Variants in LRRC49 observed in about 807,000 individuals in gnomAD.
The protein encoded by LRRC49 is leucine-rich repeat-containing protein 49.
LRRC49 carries 50 observed loss-of-function variants against 83.3 expected under a neutral mutation model. That is an observed-to-expected ratio of 0.60 (90% CI 0.48 to 0.76). LRRC49 has a LOEUF of 0.76. Among genes scored for constraint, LRRC49 ranks in the 30% least tolerant of loss-of-function variants. LRRC49 has a pLI of 0.00. For synonymous variants in LRRC49, 286 were observed against 283.3 expected, an observed-to-expected ratio of 1.01 and a Z score of -0.10; for missense variants, 704 against 809.1, an observed-to-expected ratio of 0.87 and a Z score of 1.58.
chr15:70,933,068 T>G (rs915359907), intron 7 of LRRC49, among the ~76,000 whole-genome samples: 1 of 152,140 alleles, frequency 6.6e-6, no homozygotes, highest in Non-Finnish European at 1.5e-5. Flanking sequence ...TGGACAACAG[T>G]GCCTGAGCAG....
intron 9 of LRRC49, among the ~76,000 whole-genome samples, chr15:70,977,929 T>C (rs2037265970): frequency 6.6e-6 from 1 of 152,164 alleles, no homozygotes; most frequent in Non-Finnish European, 1.5e-5. Context: ...AAGTTACTAA[T>C]GTCTTGGAGC....
chr15:71,043,734 C>T (rs555970742), intron 15 of LRRC49, among the ~76,000 whole-genome samples: 1 of 152,212 alleles, frequency 6.6e-6, no homozygotes, highest in East Asian at 1.9e-4. Flanking sequence ...CAACATGTCC[C>T]TAGAGAAACA....
intron 11 of LRRC49, among the ~76,000 whole-genome samples, chr15:70,998,948 T>G (rs989356740): frequency 6.6e-6 from 1 of 152,186 alleles, no homozygotes. Flanking sequence ...TTCTTTCTTC[T>G]GCCTGCTAAA....
At chr15:71,019,190 T>G (rs1024826631) in intron 14 of LRRC49, among the ~76,000 whole-genome samples, 1 of 152,066 alleles carries the variant, frequency 6.6e-6, no homozygotes, top group Non-Finnish European at 1.5e-5. Flanking sequence ...AGTTTTCAGC[T>G]CCTCTCCCCT....
At chr15:70,870,969 AT>A (rs1384171159) in intron 1 of LRRC49, among the ~76,000 whole-genome samples, 3 of 51,242 alleles carry the variant, frequency 5.9e-5, no homozygotes, top group Non-Finnish European at 1.3e-4. Flanking sequence ...TTTTTTTAGT[AT>A]TTATTGATCA....
At chr15:70,871,548 C>T (rs1053338940) in intron 1 of LRRC49, among the ~76,000 whole-genome samples, 1 of 151,114 alleles carries the variant, frequency 6.6e-6, no homozygotes, top group African/African-American at 2.4e-5. Flanking sequence ...GCGCCCCCCA[C>T]CTCCCGAACG....
chr15:70,892,372 C>G (rs2033618472), upstream of LRRC49: 1 of 1,546,906 alleles, frequency 6.5e-7, no homozygotes, highest in East Asian at 2.4e-5. Context: ...CCCCTCCTCA[C>G]CTGTCCACTC....
chr15:71,040,954 C>G (rs1018977298), intron 15 of LRRC49, among the ~76,000 whole-genome samples: 7 of 152,116 alleles, frequency 4.6e-5, no homozygotes, highest in Non-Finnish European at 5.9e-5. Context: ...CTGAGAACAG[C>G]CCCAGACCAA....
intron 7 of LRRC49, among the ~76,000 whole-genome samples, chr15:70,925,038 A>C (rs1403833224): frequency 6.6e-6 from 1 of 151,970 alleles, no homozygotes; most frequent in Non-Finnish European, 1.5e-5. Flanking sequence ...GAACTATCTT[A>C]TTTTATTAAT....
Position 70,955,916 on chromosome 15 carries a change from C to T in LRRC49, c.774-7869C>T, listed in dbSNP as rs200963949. ...GTTTGTCAGTTGTGTATATTTCAGTCCTTGTGAGCACGCTTGATGATTTAT... is the reference window on the plus strand; with the variant it reads ...GTTTGTCAGTTGTGTATATTTCAGTTCTTGTGAGCACGCTTGATGATTTAT... On this transcript the variant is annotated intron_variant, in intron 8 of 15. Coordinates refer to ENST00000260382, the MANE Select transcript of LRRC49 (RefSeq NM_017691.5). 2.6e-5 allele frequency among the ~76,000 whole-genome samples: 4 copies of T among 152,096 alleles called. No homozygotes were observed. The East Asian group carries it at 7.7e-4, about 29-fold the overall frequency.
intron 8 of LRRC49, among the ~76,000 whole-genome samples, chr15:70,957,799 C>CT (rs1302209239): frequency 6.6e-6 from 1 of 152,122 alleles, no homozygotes; most frequent in African/African-American, 2.4e-5. Flanking sequence ...AGTGAAAACC[C>CT]TTTTGAAATG....
At chr15:70,993,019 T>G (rs1291691246) in intron 11 of LRRC49, among the ~76,000 whole-genome samples, 1 of 152,202 alleles carries the variant, frequency 6.6e-6, no homozygotes, top group Non-Finnish European at 1.5e-5. Flanking sequence ...TGAGCTGCGG[T>G]GGGTTCCACC....
intron 5 of LRRC49, among the ~76,000 whole-genome samples, chr15:70,909,562 T>C (rs556357776): frequency 6.6e-6 from 1 of 152,250 alleles, no homozygotes; most frequent in East Asian, 1.9e-4. Flanking sequence ...GTACCTGGGC[T>C]GGGCGCGGTG....
At chr15:71,030,356 T>G (rs1389541423) in intron 14 of LRRC49, among the ~76,000 whole-genome samples, 1 of 152,236 alleles carries the variant, frequency 6.6e-6, no homozygotes, top group Non-Finnish European at 1.5e-5. Flanking sequence ...CACTCTCTTC[T>G]GGCTTTCAGG....
chr15:71,035,335 TG>T (rs1369708409), intron 14 of LRRC49, among the ~76,000 whole-genome samples: 2 of 151,978 alleles, frequency 1.3e-5, no homozygotes, highest in African/African-American at 2.4e-5. Flanking sequence ...ACATTATTAT[TG>T]TTTTTTTTAA....
intron 6 of LRRC49, among the ~76,000 whole-genome samples, chr15:70,917,143 G>A (rs1299244081): frequency 1.3e-5 from 2 of 152,216 alleles, no homozygotes; most frequent in Non-Finnish European, 2.9e-5. Context: ...AAGCATAGAA[G>A]GGAATCTGAG....
At chr15:70,859,898 G>A in intron 1 of LRRC49, 3 of 768,992 alleles carry the variant, frequency 3.9e-6, no homozygotes, top group Non-Finnish European at 4.8e-6. Context: ...GAAGCTGCTG[G>A]AGGGTGAGGA....
At chr15:71,011,000 T>G (rs2038633599) in intron 13 of LRRC49, among the ~76,000 whole-genome samples, 2 of 152,094 alleles carry the variant, frequency 1.3e-5, no homozygotes. Context: ...TGTACATCTC[T>G]GGATCAATGT....
At chr15:70,862,789 T>G (rs1025703496) in intron 1 of LRRC49, among the ~76,000 whole-genome samples, 1 of 152,120 alleles carries the variant, frequency 6.6e-6, no homozygotes, top group African/African-American at 2.4e-5. Context: ...GGCTAGTGGT[T>G]CATCTGATCT....
Sources: allele counts gnomAD v4.1 joint callset (sites outside exome capture counted in the v4.1 genomes callset), GRCh38; gene constraint gnomAD v4.1.1; transcripts MANE v1.5; gene names NCBI Gene and HGNC (gene_info 2026-07-23, HGNC 2026-07-21).